The following MAP6 variants were observed in gnomAD, a reference collection of about 807,000 sequenced individuals.
MAP6 encodes the protein microtubule associated protein 6.
Under a neutral mutation model 42.4 loss-of-function variants are expected in MAP6, and 26 were observed. The ratio of observed to expected loss-of-function variants is 0.61; its 90% CI spans 0.45 to 0.85. MAP6 has a LOEUF of 0.85. MAP6 is among the 40% of genes least tolerant of loss of function. The pLI, the probability that MAP6 is intolerant of heterozygous loss-of-function variation, is 0.00. For missense variants in MAP6, 966 were observed against 1,099.0 expected (o/e 0.88, Z 1.71); for synonymous variants, 418 against 443.8 (o/e 0.94, Z 0.73).
chr11:75,620,232 G>A (rs1272283667), intron 1 of MAP6, among the ~76,000 whole-genome samples: 2 of 152,208 alleles, frequency 1.3e-5, no homozygotes, highest in Non-Finnish European at 2.9e-5. Flanking sequence ...TACTTTGGGA[G>A]GCCGAGGTAG....
At chr11:75,648,486 A>T (rs192151343) in intron 1 of MAP6, among the ~76,000 whole-genome samples, 1 of 151,720 alleles carries the variant, frequency 6.6e-6, no homozygotes, top group African/African-American at 2.4e-5. Flanking sequence ...CAACAGAGTG[A>T]GACCCTGTCT....
chr11:75,593,451 A>G (rs1942516217), intron 3 of MAP6, among the ~76,000 whole-genome samples: 2 of 152,304 alleles, frequency 1.3e-5, no homozygotes, highest in South Asian at 4.1e-4. Flanking sequence ...TACTTTCCAG[A>G]GTCTAGCAGC....
At chr11:75,656,323 A>G (rs1275067306) in intron 1 of MAP6, among the ~76,000 whole-genome samples, 4 of 152,218 alleles carry the variant, frequency 2.6e-5, no homozygotes, top group South Asian at 2.1e-4. Context: ...AAGAGGTTAC[A>G]CCAGGCCTAA....
intron 1 of MAP6, among the ~76,000 whole-genome samples, chr11:75,635,335 A>G (rs12576145): frequency 0.073 from 11,074 of 152,264 alleles, 603 homozygotes; most frequent in African/African-American, 0.14. Context: ...TACCTCCTAC[A>G]TCTGCCATGA....
rs1033762987 is a variant in MAP6 at position 75,668,484 on chromosome 11, C to T, written c.-115G>A. On this transcript the variant is annotated 5_prime_UTR_variant, in exon 1 of 4. Transcript: ENST00000304771. ...CCAATGTGGTTCCCACCGTTTTCTA[C>T]CCCCGATCAGCCGGAGCTAGTTCGC... 1.5e-6 allele frequency: 2 copies of T among 1,375,436 alleles called. No individual in the cohort carries two copies. Among genetic ancestry groups the T allele is most frequent in the Non-Finnish European group, 1.9e-6 (2 of 1,060,552 alleles). 85.2% of individuals were successfully genotyped at this position (1,375,436 alleles called of 1,614,324 possible).
intron 1 of MAP6, among the ~76,000 whole-genome samples, chr11:75,634,950 G>C (rs562706906): frequency 6.6e-6 from 1 of 152,216 alleles, no homozygotes; most frequent in South Asian, 2.1e-4. Context: ...TGTAATTATT[G>C]TATAATTACT....
At chr11:75,650,836 C>T (rs1383713302) in intron 1 of MAP6, among the ~76,000 whole-genome samples, 2 of 152,142 alleles carry the variant, frequency 1.3e-5, no homozygotes, top group Non-Finnish European at 2.9e-5. Context: ...TCCATTGCAC[C>T]ATGGCTACCA....
chr11:75,655,149 T>G (rs1007241879), intron 1 of MAP6, among the ~76,000 whole-genome samples: 1 of 152,212 alleles, frequency 6.6e-6, no homozygotes, highest in Non-Finnish European at 1.5e-5. Context: ...GTCCCAGCCT[T>G]GGCATGCTCT....
intron 3 of MAP6, among the ~76,000 whole-genome samples, chr11:75,591,239 A>G (rs1022772349): frequency 2.6e-4 from 40 of 152,292 alleles, no homozygotes; most frequent in African/African-American, 8.9e-4. Flanking sequence ...AATTATTCAT[A>G]ATTTAATTTA....
intron 1 of MAP6, among the ~76,000 whole-genome samples, chr11:75,663,169 C>T (rs566903100): frequency 1.3e-5 from 2 of 151,792 alleles, no homozygotes; most frequent in South Asian, 2.1e-4. Context: ...TTTTTAGAAA[C>T]GGGGTTTCAC....
chr11:75,637,297 C>T (rs1416279199), intron 1 of MAP6, among the ~76,000 whole-genome samples: 1 of 152,170 alleles, frequency 6.6e-6, no homozygotes, highest in Admixed American at 6.5e-5. Flanking sequence ...TATTCACAGG[C>T]TCCTTTCAAT....
chr11:75,604,586 C>G, intron 3 of MAP6: 1 of 984,936 alleles, frequency 1.0e-6, no homozygotes, highest in Non-Finnish European at 1.2e-6. Context: ...AGTTCCCTCA[C>G]AAGCACTGGG....
chr11:75,619,430 G>A (rs920042115), intron 1 of MAP6, among the ~76,000 whole-genome samples: 3 of 152,006 alleles, frequency 2.0e-5, no homozygotes, highest in Middle Eastern at 3.2e-3. Flanking sequence ...ACAGGGGTTT[G>A]TTGTACAGAT....
intron 3 of MAP6, among the ~76,000 whole-genome samples, chr11:75,601,277 T>G (rs911809091): frequency 6.6e-6 from 1 of 152,208 alleles, no homozygotes; most frequent in African/African-American, 2.4e-5. Context: ...GTGCCGCTAT[T>G]TCTACCTCTC....
chr11:75,627,861 C>A (rs1304752507), intron 1 of MAP6, among the ~76,000 whole-genome samples: 1 of 152,178 alleles, frequency 6.6e-6, no homozygotes, highest in Non-Finnish European at 1.5e-5. Context: ...ATGGAACATT[C>A]AGCTGAGGCA....
chr11:75,587,778 G>A lies in MAP6; in HGVS notation c.1723C>T (p.Pro575Ser), dbSNP rs775786346. Residue 575 changes from proline to serine, a missense_variant, in exon 4 of 4, where the codon CCT becomes TCT. Pro to Ser is a moderately conservative substitution (Grantham distance 74). Around this residue, in one of 2 missense-constraint regions of MAP6, gnomAD observed 943 missense variants for 1,049.9 expected, o/e 0.90. Transcript: ENST00000304771. ...TCCTTGACAGGTGCTGGGACCATAGGAGCTTGATTCTTCACAGGCTCAGGA... is the reference window on the plus strand; with the variant it reads ...TCCTTGACAGGTGCTGGGACCATAGAAGCTTGATTCTTCACAGGCTCAGGA... ...RIPEPVKNQA[P>S]MVPAPVKDEG... The A allele has an allele frequency of 3.7e-6, 6 of 1,613,350 alleles. No individual in the cohort carries two copies. The African/African-American group carries it at 6.7e-5, about 18-fold the overall frequency.
chr11:75,649,954 G>A (rs574870794), intron 1 of MAP6, among the ~76,000 whole-genome samples: 6 of 152,312 alleles, frequency 3.9e-5, no homozygotes, highest in South Asian at 4.1e-4. Flanking sequence ...AAAATGCTTT[G>A]AGGATTTATT....
rs540956582 is a variant in MAP6 at position 75,638,005 on chromosome 11, G to A, written c.905+29460C>T. 2.6e-5 allele frequency among the ~76,000 whole-genome samples: 4 copies of A among 152,348 alleles called. No homozygotes were observed. In the South Asian group the frequency reaches 8.3e-4, roughly 32 times the overall value. On this transcript the variant is annotated intron_variant, in intron 1 of 3. Transcript: ENST00000304771. ...GTGAAAAACTGAAAACAAGTGAAAT[G>A]TCCAATAATAGGGGAATGGTTAAAT...
At chr11:75,652,259 C>G (rs545987661) in intron 1 of MAP6, among the ~76,000 whole-genome samples, 20 of 152,306 alleles carry the variant, frequency 1.3e-4, no homozygotes, top group Admixed American at 9.8e-4. Context: ...TTGCCCACCA[C>G]TGGTCTAGAC....
Sources: gnomAD v4.1 joint callset for allele counts (sites outside exome capture counted in the v4.1 genomes callset) on GRCh38, gnomAD v4.1.1 for gene constraint, gnomAD v4.1.1 regional missense constraint, MANE v1.5 for transcripts, NCBI Gene and HGNC (gene_info 2026-07-23, HGNC 2026-07-21) for gene names.